Variants in CCN1 observed in about 807,000 individuals in gnomAD.
CCN1 encodes CCN family member 1.
In CCN1, 12 loss-of-function variants were observed where a neutral mutation model predicts 38.1. That is an observed-to-expected ratio of 0.31 (90% CI 0.20 to 0.51). The LOEUF (loss-of-function observed/expected upper bound fraction) is 0.51, where lower values mean the gene tolerates loss of function less well. Ranked by LOEUF, CCN1 falls within the 20% of genes least tolerant of loss-of-function variation. The pLI, the probability that CCN1 is intolerant of heterozygous loss-of-function variation, is 0.97. For missense variants in CCN1, 466 were observed against 490.9 expected (o/e 0.95, Z 0.48); for synonymous variants, 202 against 196.1 (o/e 1.03, Z -0.25).
Position 85,583,147 on chromosome 1 carries a change from A to T in CCN1, c.*105A>T. 1 of 1,231,566 alleles carries T rather than the reference A, an allele frequency of 8.1e-7. No homozygotes were observed. Among genetic ancestry groups the T allele is most frequent in the Non-Finnish European group, 1.1e-6 (1 of 880,348 alleles). 76.3% of individuals were successfully genotyped at this position (1,231,566 alleles called of 1,614,324 possible). On this transcript the variant is annotated 3_prime_UTR_variant, in exon 5 of 5. Coordinates refer to ENST00000451137, the MANE Select transcript of CCN1 (RefSeq NM_001554.5). The stretch of plus-strand genomic sequence containing the variant: ...GGGGGTGGTGTGGGTGATGGGACTC[A>T]TTGTAGAAAGGAAGCCTTGCTCATT...
chr1:85,583,262 A>G lies in CCN1; in HGVS notation c.*220A>G. 1.2e-5 allele frequency: 7 copies of G among 579,598 alleles called. No individual in the cohort carries two copies. The highest frequency in any genetic ancestry group is 1.2e-5 in the Non-Finnish European group (4 of 328,462). The allele number at this position is 579,598 out of a possible 1,614,324, so 35.9% of individuals were successfully genotyped here. A position where few individuals can be genotyped will look rare whatever the true frequency, so the allele number is the denominator to read the frequency against. On this transcript the variant is annotated 3_prime_UTR_variant, in exon 5 of 5. Transcript: ENST00000451137. ...CCACGATTGGAGAATACTTTGCTTC[A>G]TAGTATTGGAGCACATGTTACTGCT...
At position 85,581,375 on chromosome 1, in the gene CCN1, C is replaced by T; in HGVS notation, c.74C>T (p.Thr25Ile). The T allele has an allele frequency of 6.3e-7, 1 of 1,590,624 alleles. No homozygotes were observed. The highest frequency in any genetic ancestry group is 1.1e-5 in the South Asian group (1 of 88,298). ...TTCTCCCCCTTCCAGGCGCTCTCCA[C>T]CTGCCCCGCTGCCTGCCACTGCCCC... The part of the protein sequence containing the change: ...LLHLTRLALS[T>I]CPAACHCPLE... Residue 25 changes from threonine to isoleucine, a missense_variant, in exon 2 of 5, where the codon ACC becomes ATC. Coordinates refer to ENST00000451137, the MANE Select transcript of CCN1 (RefSeq NM_001554.5).
Position 85,580,952 on chromosome 1 carries a change from C to G in CCN1, c.-33C>G. 1.3e-6 allele frequency: 2 copies of G among 1,546,970 alleles called. No homozygotes were observed. Among genetic ancestry groups the G allele is most frequent in the African/African-American group, 1.4e-5 (1 of 70,800 alleles). ...ACCAGCTTGTTGGCGTCTTCGTCGC[C>G]GCGCTCGCCCCGGGCTACTCCTGCG... On this transcript the variant is annotated 5_prime_UTR_variant, in exon 1 of 5. Transcript: ENST00000451137.
At position 85,581,525 on chromosome 1, in the gene CCN1, G is replaced by A. The variant is rs1659792235; in HGVS notation, c.224G>A (p.Gly75Glu). ...SKTQPCDHTK[G>E]LECNFGASST... ...ACGCAGCCCTGCGACCACACCAAGG[G>A]GCTGGAATGCAACTTCGGCGCCAGC... The change falls in exon 2 of 5, where the codon GGG (glycine) becomes GAG (glutamate). Residue 75 changes from glycine (G) to glutamate (E), a missense_variant. Coordinates refer to ENST00000451137, the MANE Select transcript of CCN1 (RefSeq NM_001554.5). 1 of 1,613,970 alleles carries A rather than the reference G, an allele frequency of 6.2e-7. No homozygotes were observed.
At chr1:85,581,599 C>A in intron 2 of CCN1, 21 bp downstream of exon 2, 3 of 1,602,996 alleles carry the variant, frequency 1.9e-6, no homozygotes, top group Non-Finnish European at 2.6e-6. Context: ...TGTGGTTTGG[C>A]CCCTTTAAAA....
chr1:85,581,695 G>C (rs1487672151), intron 2 of CCN1, 117 bp downstream of exon 2: 1 of 1,326,152 alleles, frequency 7.5e-7, no homozygotes, highest in African/African-American at 1.5e-5. Context: ...TGGCAGAAAG[G>C]CACATGATTT....
At chr1:85,581,126 A>G in intron 1 of CCN1, 79 bp downstream of exon 1, 12 of 1,481,364 alleles carry the variant, frequency 8.1e-6, no homozygotes, top group Non-Finnish European at 1.1e-5. Flanking sequence ...TGCCCACGGC[A>G]GGAAAAGTTA....
At chr1:85,581,070 C>T (rs768471099) in intron 1 of CCN1, 23 bp downstream of exon 1, 2 of 1,601,154 alleles carry the variant, frequency 1.2e-6, no homozygotes, top group South Asian at 1.1e-5. Context: ...CTCCTTTTGC[C>T]ACCTATTCCC....
intron 4 of CCN1, 37 bp from the exon 5 acceptor site, chr1:85,582,703 A>G: frequency 6.2e-7 from 1 of 1,612,186 alleles, no homozygotes. Context: ...AAAGAGAAAT[A>G]TCACCCCTAA....
In CCN1 at chr1:85,581,501, C is replaced by G; in HGVS notation, c.200C>G (p.Thr67Arg). 1 of 1,613,780 alleles carries G rather than the reference C, an allele frequency of 6.2e-7. No individual in the cohort carries two copies. Among genetic ancestry groups the G allele is most frequent in the South Asian group, 1.1e-5 (1 of 91,050 alleles). The change falls in exon 2 of 5, where the codon ACG becomes AGG. Residue 67 changes from threonine (T) to arginine (R), a missense_variant. Physicochemically the swap from Thr to Arg is moderately conservative, Grantham distance 71 (BLOSUM62 -1). Around this residue, in one of 3 missense-constraint regions of CCN1, gnomAD observed 146 missense variants for 141.1 expected, o/e 1.03. Transcript: ENST00000451137. ...CAGCTCAACGAGGACTGCAGCAAAA[C>G]GCAGCCCTGCGACCACACCAAGGGG... ...AKQLNEDCSK[T>R]QPCDHTKGLE... is the part of the protein sequence containing the mutation.
rs931727078 is a variant in CCN1, at chr1:85,580,797, G to A, written c.-188G>A. 17 of 433,188 alleles carry A rather than the reference G, an allele frequency of 3.9e-5. No homozygotes were observed. The highest frequency in any genetic ancestry group is 6.2e-5 in the Non-Finnish European group (16 of 259,896). 26.8% of individuals were successfully genotyped at this position (433,188 alleles called of 1,614,324 possible). A position where few individuals can be genotyped will look rare whatever the true frequency, so the allele number is the denominator to read the frequency against. ...GAGAGCGCCCCCGAGCAGCGCCCGC[G>A]CCCTCCGCGCCTTCTCCGCCGGGAC... On this transcript the variant is annotated 5_prime_UTR_variant, in exon 1 of 5. Coordinates refer to ENST00000451137, the MANE Select transcript of CCN1 (RefSeq NM_001554.5).
At position 85,581,078 on chromosome 1, in the gene CCN1, C is replaced by T. The variant is rs368983760; in HGVS notation, c.63+31C>T. The T allele has an allele frequency of 1.0e-4, 159 of 1,593,132 alleles. No individual in the cohort carries two copies. In the African/African-American group the frequency reaches 2.0e-3, roughly 20 times the overall value. ...TTGGACTCTCCTTTTGCCACCTATT[C>T]CCCGTCCGCTCTCCAGCCCCTTCCC... On this transcript the variant is annotated intron_variant, in intron 1 of 4. Transcript: ENST00000451137.
Position 85,582,993 on chromosome 1 carries a change from C to T in CCN1, c.1097C>T (p.Ala366Val), listed in dbSNP as rs755599150. 2 of 1,614,068 alleles carry T rather than the reference C, an allele frequency of 1.2e-6. No individual in the cohort carries two copies. The highest frequency in any genetic ancestry group is 1.3e-5 in the African/African-American group (1 of 75,042). ...AACTGCCCGCATGCCAATGAAGCAGCGTTTCCCTTCTACAGGCTGTTCAAT... is the reference window on the plus strand; with the variant it reads ...AACTGCCCGCATGCCAATGAAGCAGTGTTTCCCTTCTACAGGCTGTTCAAT... ...NYNCPHANEA[A>V]FPFYRLFNDI... is the part of the protein sequence containing the mutation. The change falls in exon 5 of 5, where the codon GCG becomes GTG. Residue 366 changes from alanine to valine, a missense_variant. By Grantham distance (64) the Ala-to-Val change is moderately conservative (BLOSUM62 0). Transcript: ENST00000451137.
chr1:85,583,176 G>A lies in CCN1; in HGVS notation c.*134G>A. On this transcript the variant is annotated 3_prime_UTR_variant, in exon 5 of 5. Coordinates refer to ENST00000451137, the MANE Select transcript of CCN1 (RefSeq NM_001554.5). ...TAGAAAGGAAGCCTTGCTCATTCTT[G>A]AGGAGCATTAAGGTATTTCGAAACT... 2.0e-6 allele frequency: 2 copies of A among 996,912 alleles called. No individual in the cohort carries two copies. The highest frequency in any genetic ancestry group is 2.5e-5 in the East Asian group (1 of 40,262). 61.8% of individuals were successfully genotyped at this position (996,912 alleles called of 1,614,324 possible).
In CCN1 at chr1:85,582,622, A is replaced by C. The variant is rs754796443; in HGVS notation, c.841A>C (p.Lys281Gln). ...PCGQPVYSSL[K>Q]KGKKCSKTKK... Reference sequence around the variant, plus strand: ...TGGACAGCCAGTGTACAGCAGCCTGAAAGTAAGTTCCTTCAGGGACGTGTA... The same window carrying C: ...TGGACAGCCAGTGTACAGCAGCCTGCAAGTAAGTTCCTTCAGGGACGTGTA... Residue 281 changes from lysine (K) to glutamine (Q), a missense_variant and splice_region_variant, in exon 4 of 5, where the codon AAA becomes CAA. Coordinates refer to ENST00000451137, the MANE Select transcript of CCN1 (RefSeq NM_001554.5). The C allele has an allele frequency of 6.2e-7, 1 of 1,614,160 alleles. No homozygotes were observed. Among genetic ancestry groups the C allele is most frequent in the Admixed American group, 1.7e-5 (1 of 60,028 alleles).
In CCN1 at chr1:85,580,928, C is replaced by T. The variant is rs1343818727; in HGVS notation, c.-57C>T. The T allele has an allele frequency of 2.0e-6, 3 of 1,500,790 alleles. No individual in the cohort carries two copies. Among genetic ancestry groups the T allele is most frequent in the East Asian group, 5.3e-5 (2 of 37,722 alleles). 93.0% of individuals were successfully genotyped at this position (1,500,790 alleles called of 1,614,324 possible). ...CTGCGCACGGCCTGTCCGCTGCACA[C>T]CAGCTTGTTGGCGTCTTCGTCGCCG... On this transcript the variant is annotated 5_prime_UTR_variant, in exon 1 of 5. Coordinates refer to ENST00000451137, the MANE Select transcript of CCN1 (RefSeq NM_001554.5).
chr1:85,581,122 C>A, intron 1 of CCN1, 75 bp downstream of exon 1: 1 of 1,489,800 alleles, frequency 6.7e-7, no homozygotes, highest in Non-Finnish European at 9.0e-7. Flanking sequence ...AGATTGCCCA[C>A]GGCAGGAAAA....
chr1:85,582,830 A>C lies in CCN1; in HGVS notation c.934A>C (p.Lys312Gln). 1.2e-6 allele frequency: 2 copies of C among 1,614,208 alleles called. No individual in the cohort carries two copies. Among genetic ancestry groups the C allele is most frequent in the South Asian group, 2.2e-5 (2 of 91,082 alleles). ...GCLSVKKYRP[K>Q]YCGSCVDGRC... ...TTTGAGTGTGAAGAAATACCGGCCC[A>C]AGTACTGCGGTTCCTGCGTGGACGG... Residue 312 changes from lysine to glutamine, a missense_variant, in exon 5 of 5, where the codon AAG becomes CAG. Physicochemically the swap from Lys to Gln is moderately conservative, Grantham distance 53. This residue lies in a region of CCN1 where 309 missense variants were observed against 319.9 expected (regional missense o/e 0.97). Transcript: ENST00000451137.
At position 85,582,957 on chromosome 1, in the gene CCN1, A is replaced by T; in HGVS notation, c.1061A>T (p.Lys354Ile). 1 of 1,614,204 alleles carries T rather than the reference A, an allele frequency of 6.2e-7. No homozygotes were observed. Among genetic ancestry groups the T allele is most frequent in the Non-Finnish European group, 8.5e-7 (1 of 1,180,048 alleles). The change falls in exon 5 of 5, where the codon AAA becomes ATA. Residue 354 changes from lysine to isoleucine, a missense_variant. Physicochemically the swap from Lys to Ile is moderately radical, Grantham distance 102. Around this residue, in one of 3 missense-constraint regions of CCN1, gnomAD observed 309 missense variants for 319.9 expected, o/e 0.97. Transcript: ENST00000451137. ...AACGTCATGATGATCCAGTCCTGCA[A>T]ATGCAACTACAACTGCCCGCATGCC... ...SKNVMMIQSC[K>I]CNYNCPHANE...
Sources: allele counts gnomAD v4.1 joint callset, GRCh38; gene constraint gnomAD v4.1.1; regional missense constraint gnomAD v4.1.1; transcripts MANE v1.5; gene names NCBI Gene and HGNC (gene_info 2026-07-23, HGNC 2026-07-21).